The following DST variants were observed in gnomAD, a reference collection of about 807,000 sequenced individuals.
DST encodes the protein dystonin, also known as bullous pemphigoid antigen.
A neutral mutation model predicts 875.2 loss-of-function variants in DST; 253 were observed. The observed-to-expected ratio is 0.29, with a 90% CI of 0.26 to 0.32. The LOEUF is 0.32. Among genes scored for constraint, DST ranks in the 10% least tolerant of loss-of-function variants. DST has a pLI of 1.00. For synonymous variants in DST, 3,124 were observed against 3,197.1 expected, an observed-to-expected ratio of 0.98 and a Z score of 0.77; for missense variants, 8,287 against 9,111.6, an observed-to-expected ratio of 0.91 and a Z score of 3.68.
At chr6:56,859,649 G>T (rs1013353956) in intron 3 of DST, among the ~76,000 whole-genome samples, 1 of 152,008 alleles carries the variant, frequency 6.6e-6, no homozygotes, top group Non-Finnish European at 1.5e-5. Flanking sequence ...TATTTTAAAT[G>T]GATTTTTGTT....
At chr6:56,650,571 CTG>C (rs1394752794) in intron 12 of DST, among the ~76,000 whole-genome samples, 11 of 152,196 alleles carry the variant, frequency 7.2e-5, no homozygotes, top group Non-Finnish European at 1.0e-4. Context: ...GTTTTCAAAA[CTG>C]AGATATTCTA....
At chr6:56,905,744 G>T (rs992243290) in intron 2 of DST, among the ~76,000 whole-genome samples, 1 of 151,858 alleles carries the variant, frequency 6.6e-6, no homozygotes, top group African/African-American at 2.4e-5. Context: ...CACCTCCCGG[G>T]CTCAAGCAAT....
chr6:56,615,094 C>T (rs1473111703), intron 36 of DST: 16 of 1,022,916 alleles, frequency 1.6e-5, no homozygotes, highest in Middle Eastern at 5.0e-4. Context: ...GCTGTGGGAA[C>T]GAATTTATAT....
intron 5 of DST, among the ~76,000 whole-genome samples, chr6:56,721,156 C>G (rs918703819): frequency 1.4e-5 from 2 of 148,088 alleles, no homozygotes; most frequent in Non-Finnish European, 3.0e-5. Flanking sequence ...CGGCCCCCCC[C>G]ACCTCCCAGA....
intron 3 of DST, among the ~76,000 whole-genome samples, chr6:56,878,273 A>C (rs573859086): frequency 6.6e-6 from 1 of 152,328 alleles, no homozygotes; most frequent in Non-Finnish European, 1.5e-5. Context: ...CCTTAAACCA[A>C]GGGAGAGGGC....
At chr6:56,946,177 A>G (rs1819401964) in intron 2 of DST, among the ~76,000 whole-genome samples, 2 of 152,166 alleles carry the variant, frequency 1.3e-5, no homozygotes. Flanking sequence ...GGGGCAGGGG[A>G]TTAAGAGGGT....
chr6:56,899,483 CCA>C (rs1183048075), intron 3 of DST, among the ~76,000 whole-genome samples: 1 of 152,088 alleles, frequency 6.6e-6, no homozygotes, highest in East Asian at 1.9e-4. Flanking sequence ...CATGTGCCTG[CCA>C]CACAGTTACC....
At chr6:56,498,461 T>C (rs2095998112) in intron 80 of DST, among the ~76,000 whole-genome samples, 1 of 152,198 alleles carries the variant, frequency 6.6e-6, no homozygotes, top group African/African-American at 2.4e-5. Flanking sequence ...GTACCTTTAC[T>C]CTATCAATGT....
chr6:56,787,077 T>A (rs188461614), intron 4 of DST, among the ~76,000 whole-genome samples: 1 of 152,170 alleles, frequency 6.6e-6, no homozygotes, highest in Non-Finnish European at 1.5e-5. Flanking sequence ...AATAACCCTA[T>A]GAAGTAGGTA....
rs573018122 is a variant in DST at position 56,660,810 on chromosome 6, A to C, written c.1215-9566T>G. Among the ~76,000 whole-genome samples, 27 of 152,034 alleles carry C rather than the reference A, an allele frequency of 1.8e-4. No individual in the cohort carries two copies. In the East Asian group the frequency reaches 5.0e-3, roughly 28 times the overall value. ...ACTCTCCATTAACAACAAGGTAGAC[A>C]GCAAAGATGAGAAACAGTATATTTT... is the stretch of plus-strand genomic sequence containing the variant. On this transcript the variant is annotated intron_variant, in intron 10 of 103. Coordinates refer to ENST00000680361, the MANE Select transcript of DST (RefSeq NM_001374736.1).
chr6:56,530,827 T>C (rs1308281117), intron 64 of DST, among the ~76,000 whole-genome samples: 3 of 152,220 alleles, frequency 2.0e-5, no homozygotes, highest in East Asian at 1.9e-4. Context: ...TCAGTATTTA[T>C]CTAGAGCAAG....
intron 2 of DST, among the ~76,000 whole-genome samples, chr6:56,919,972 A>G (rs1176271221): frequency 6.6e-6 from 1 of 152,194 alleles, no homozygotes; most frequent in African/African-American, 2.4e-5. Flanking sequence ...AGAAGGATAT[A>G]TATATCTAAA....
At chr6:56,508,426 A>G in intron 75 of DST, 103 bp downstream of exon 75, 1 of 932,016 alleles carries the variant, frequency 1.1e-6, no homozygotes, top group Non-Finnish European at 1.7e-6. Flanking sequence ...TTCAGAACCA[A>G]ATATAAATGT....
At position 56,640,418 on chromosome 6, in the gene DST, G is replaced by T. The variant is rs1163831662; in HGVS notation, c.2215C>A (p.Pro739Thr). 1.2e-6 allele frequency: 2 copies of T among 1,614,168 alleles called. No homozygotes were observed. The highest frequency in any genetic ancestry group is 1.7e-6 in the Non-Finnish European group (2 of 1,180,004). The change falls in exon 18 of 104, where the codon CCT becomes ACT. Residue 739 changes from proline (P) to threonine (T), a missense_variant. Around this residue, in one of 10 missense-constraint regions of DST, gnomAD observed 1,160 missense variants for 1,424.3 expected, o/e 0.81. Transcript: ENST00000680361. ...GTCATACTAGAAGAGGTTAGGGAAG[G>T]TGTTAAACTCTGGGTCAGCCCTGAG... ...LTSGLTQSLT[P>T]SLTSSSMTSG...
Position 56,703,764 on chromosome 6 carries a change from C to A in DST, c.778-18G>T. 1 of 934,156 alleles carries A rather than the reference C, an allele frequency of 1.1e-6. No homozygotes were observed. The allele number at this position is 934,156 out of a possible 1,614,324, so 57.9% of individuals were successfully genotyped here. On this transcript the variant is annotated intron_variant, in intron 6 of 103. Transcript: ENST00000680361. ...TCCCTTGGCTAATGAATATAACAGACAGAAGATAGGACAGCAAAGACACAA... is the reference window on the plus strand; with the variant it reads ...TCCCTTGGCTAATGAATATAACAGAAAGAAGATAGGACAGCAAAGACACAA...
intron 4 of DST, among the ~76,000 whole-genome samples, chr6:56,829,786 A>G (rs1412526810): frequency 6.6e-6 from 1 of 152,124 alleles, no homozygotes; most frequent in African/African-American, 2.4e-5. Context: ...CACAAGAAAC[A>G]CTCAAGAAAT....
At chr6:56,737,530 T>C (rs4275049) in intron 4 of DST, among the ~76,000 whole-genome samples, 38,010 of 152,136 alleles carry the variant, frequency 0.25, 6,493 homozygotes, top group African/African-American at 0.48. Flanking sequence ...TTTAAGTGCT[T>C]GACAGTCACA....
chr6:56,943,511 T>C (rs1817807785), intron 2 of DST, among the ~76,000 whole-genome samples: 1 of 151,530 alleles, frequency 6.6e-6, no homozygotes, highest in African/African-American at 2.4e-5. Context: ...CAGCTCACCG[T>C]AACCTCCACC....
chr6:56,832,102 C>G (rs1030163595), intron 4 of DST, among the ~76,000 whole-genome samples: 2 of 152,132 alleles, frequency 1.3e-5, no homozygotes, highest in Non-Finnish European at 2.9e-5. Context: ...AATTTAGAAT[C>G]CTTCAGTCCT....
Sources: gnomAD v4.1 joint callset for allele counts (sites outside exome capture counted in the v4.1 genomes callset) on GRCh38, gnomAD v4.1.1 for gene constraint, gnomAD v4.1.1 regional missense constraint, MANE v1.5 for transcripts, NCBI Gene and HGNC (gene_info 2026-07-23, HGNC 2026-07-21) for gene names.